The following PCDHGA6 variants were observed in gnomAD, a reference collection of about 807,000 sequenced individuals.
PCDHGA6 encodes protocadherin gamma-A6.
PCDHGA6 carries 41 observed loss-of-function variants against 60.6 expected under a neutral mutation model. The observed-to-expected ratio is 0.68, with a 90% CI of 0.53 to 0.88. The LOEUF (loss-of-function observed/expected upper bound fraction) is 0.88, where lower values mean the gene tolerates loss of function less well. PCDHGA6 is among the 40% of genes least tolerant of loss of function. The pLI is 0.00. For missense variants in PCDHGA6, 1,312 were observed against 1,203.0 expected (o/e 1.09, Z -1.34); for synonymous variants, 594 against 524.4 (o/e 1.13, Z -1.81).
intron 1 of PCDHGA6, chr5:141,478,595 T>A: frequency 6.4e-7 from 1 of 1,567,880 alleles, no homozygotes; most frequent in Non-Finnish European, 8.7e-7. Flanking sequence ...TTTTTATTCC[T>A]ACATCATATT....
chr5:141,408,869 A>T, intron 1 of PCDHGA6: 1 of 1,613,690 alleles, frequency 6.2e-7, no homozygotes, highest in Non-Finnish European at 8.5e-7. Flanking sequence ...CCCACCAAGA[A>T]GTGCCACCGC....
intron 1 of PCDHGA6, among the ~76,000 whole-genome samples, chr5:141,457,067 G>A (rs946526462): frequency 1.3e-5 from 2 of 152,166 alleles, no homozygotes; most frequent in Non-Finnish European, 2.9e-5. Flanking sequence ...CTTTTTGCCA[G>A]TAACTATTAT....
intron 1 of PCDHGA6, chr5:141,391,305 T>TC (rs1349412285): frequency 6.6e-6 from 1 of 151,546 alleles, no homozygotes; most frequent in African/African-American, 2.4e-5. Flanking sequence ...GTCTTTCGAT[T>TC]CTTTTTTTTT....
In PCDHGA6 at chr5:141,385,085, A is replaced by G. The variant is rs753751562; in HGVS notation, c.2424+8578A>G. The G allele has an allele frequency of 1.1e-5, 18 of 1,614,014 alleles. No homozygotes were observed. In the Admixed American group the frequency reaches 3.0e-4, roughly 27 times the overall value. On this transcript the variant is annotated intron_variant, in intron 1 of 3. Transcript: ENST00000517434. ...AAGTCACGCCTGCTGCAGGCTTCAGAAGGTGGCTTGGCGAACGTGCCCACC... is the reference window on the plus strand; with the variant it reads ...AAGTCACGCCTGCTGCAGGCTTCAGGAGGTGGCTTGGCGAACGTGCCCACC...
chr5:141,391,238 T>A (rs1388439892), intron 1 of PCDHGA6: 1 of 152,120 alleles, frequency 6.6e-6, no homozygotes, highest in Non-Finnish European at 1.5e-5. Flanking sequence ...TTGCTAGGTA[T>A]ATCTAAGCAA....
At chr5:141,420,457 T>A in intron 1 of PCDHGA6, 1 of 927,890 alleles carries the variant, frequency 1.1e-6, no homozygotes. Flanking sequence ...TTCCTACTAT[T>A]CAAAGACATT....
At chr5:141,497,209 TG>T (rs11343387) in intron 2 of PCDHGA6, among the ~76,000 whole-genome samples, 90,704 of 151,262 alleles carry the variant, frequency 0.6, 29,397 homozygotes, top group African/African-American at 0.86. Context: ...GTGAGTGTAA[TG>T]GGGGGGGGAA....
chr5:141,433,837 C>CAAAAAAAAAAAAAAA (rs56191208), intron 1 of PCDHGA6, among the ~76,000 whole-genome samples: 1 of 111,692 alleles, frequency 9.0e-6, no homozygotes. Flanking sequence ...AACTCTATCT[C>CAAAAAAAAAAAAAAA]AAAAAAAAAA....
intron 1 of PCDHGA6, among the ~76,000 whole-genome samples, chr5:141,447,165 G>T (rs1192617600): frequency 6.6e-6 from 1 of 151,842 alleles, no homozygotes; most frequent in African/African-American, 2.4e-5. Flanking sequence ...TTTAAGCGGG[G>T]TCTTGCTCTT....
chr5:141,481,053 A>T (rs2099530801), intron 1 of PCDHGA6, among the ~76,000 whole-genome samples: 1 of 152,104 alleles, frequency 6.6e-6, no homozygotes, highest in Non-Finnish European at 1.5e-5. Flanking sequence ...GCGAGACTCC[A>T]CCTCAAAAAC....
At chr5:141,433,099 C>T (rs1003269683) in intron 1 of PCDHGA6, 1 of 1,614,190 alleles carries the variant, frequency 6.2e-7, no homozygotes, top group Non-Finnish European at 8.5e-7. Context: ...ACATGCTCGT[C>T]AGCCAGGAGA....
chr5:141,490,322 A>C lies in PCDHGA6; in HGVS notation c.2425-4485A>C. ...GCCTCTTTGGCCAACCCTGTCCTAGAGAGCACACCAGTGGGCACAGTAGTG... is the reference window on the plus strand; with the variant it reads ...GCCTCTTTGGCCAACCCTGTCCTAGCGAGCACACCAGTGGGCACAGTAGTG... On this transcript the variant is annotated intron_variant, in intron 1 of 3. Coordinates refer to ENST00000517434, the MANE Select transcript of PCDHGA6 (RefSeq NM_018919.3). This position sits in a 1 kb window ranked among gnomAD's most constrained non-coding sequence, Gnocchi z 5.4. The C allele has an allele frequency of 6.2e-7, 1 of 1,614,232 alleles. No individual in the cohort carries two copies. Among genetic ancestry groups the C allele is most frequent in the Non-Finnish European group, 8.5e-7 (1 of 1,180,038 alleles).
chr5:141,433,259 T>C (rs776486704), intron 1 of PCDHGA6: 3 of 1,380,658 alleles, frequency 2.2e-6, no homozygotes, highest in Non-Finnish European at 3.0e-6. Flanking sequence ...AGCGGTACGA[T>C]CATAGCTCAC....
rs767547572 is a variant in PCDHGA6 at position 141,505,495 on chromosome 5, G to C, written c.2572+14G>C. On this transcript the variant is annotated intron_variant, in intron 3 of 3. Coordinates refer to ENST00000517434, the MANE Select transcript of PCDHGA6 (RefSeq NM_018919.3). The stretch of plus-strand genomic sequence containing the variant: ...CGTCCGCCAGTGGTAAGTGGTGTCA[G>C]TGTGTGTATGGAAGAGTGGGAGACC... 5 of 1,614,210 alleles carry C rather than the reference G, an allele frequency of 3.1e-6. No individual in the cohort carries two copies. Among genetic ancestry groups the C allele is most frequent in the Non-Finnish European group, 4.2e-6 (5 of 1,180,000 alleles).
At chr5:141,390,047 C>T in intron 1 of PCDHGA6, 1 of 1,614,074 alleles carries the variant, frequency 6.2e-7, no homozygotes, top group Non-Finnish European at 8.5e-7. Flanking sequence ...GCCCCGCCTC[C>T]TGGAGCTGCT....
rs1216200329 is a variant in PCDHGA6, at chr5:141,491,485, C to G, written c.2425-3322C>G. ...CTTCTATAAGCAGTCCAGCCCCAAC[C>G]TGCAGGTGAGCTCGGACGGCACGCT... On this transcript the variant is annotated intron_variant, in intron 1 of 3. Coordinates refer to ENST00000517434, the MANE Select transcript of PCDHGA6 (RefSeq NM_018919.3). This position sits in a 1 kb window ranked among gnomAD's most constrained non-coding sequence, Gnocchi z 6.9. 6.2e-7 allele frequency: 1 copy of G among 1,614,148 alleles called. No individual in the cohort carries two copies. The highest frequency in any genetic ancestry group is 1.3e-5 in the African/African-American group (1 of 75,064).
chr5:141,459,687 G>A (rs191874235), intron 1 of PCDHGA6, among the ~76,000 whole-genome samples: 15 of 152,278 alleles, frequency 9.9e-5, no homozygotes, highest in Admixed American at 2.0e-4. Context: ...TGCATAAAGC[G>A]TTCCGCTTGC....
chr5:141,454,657 CG>C (rs1313292109), intron 1 of PCDHGA6, among the ~76,000 whole-genome samples: 1 of 152,074 alleles, frequency 6.6e-6, no homozygotes, highest in Admixed American at 6.6e-5. Flanking sequence ...CTGCCCACCT[CG>C]GCCTCCCAAA....
At chr5:141,410,893 G>A (rs1302061377) in intron 1 of PCDHGA6, 5 of 276,602 alleles carry the variant, frequency 1.8e-5, no homozygotes, top group South Asian at 4.6e-5. Context: ...TCGCACTGTT[G>A]CCTAGGCTGG....
Sources: allele counts gnomAD v4.1 joint callset (sites outside exome capture counted in the v4.1 genomes callset), GRCh38; gene constraint gnomAD v4.1.1; non-coding constraint Gnocchi (gnomAD v3.1); transcripts MANE v1.5; gene names NCBI Gene and HGNC (gene_info 2026-07-23, HGNC 2026-07-21).